The following KIAA1328 variants were observed in gnomAD, a reference collection of about 807,000 sequenced individuals.
The protein encoded by KIAA1328 is protein hinderin.
A neutral mutation model predicts 68.1 loss-of-function variants in KIAA1328; 52 were observed. The ratio of observed to expected loss-of-function variants is 0.76; its 90% CI spans 0.61 to 0.96. The LOEUF is 0.96. Among genes scored for constraint, KIAA1328 ranks in the 40% least tolerant of loss-of-function variants. KIAA1328 has a pLI of 0.00. For synonymous variants in KIAA1328, 232 were observed against 239.4 expected, an observed-to-expected ratio of 0.97 and a Z score of 0.28; for missense variants, 641 against 677.6, an observed-to-expected ratio of 0.95 and a Z score of 0.60.
intron 9 of KIAA1328, among the ~76,000 whole-genome samples, chr18:37,218,892 C>T (rs1338786444): frequency 6.6e-6 from 1 of 152,222 alleles, no homozygotes; most frequent in Admixed American, 6.5e-5. Context: ...AGAAGAGGCA[C>T]TCTGGTTTTT....
In KIAA1328 at chr18:37,224,367, C is replaced by T; in HGVS notation, c.*2140C>T. 1.0e-6 allele frequency: 1 copy of T among 985,400 alleles called. No homozygotes were observed. Among genetic ancestry groups the T allele is most frequent in the Non-Finnish European group, 1.2e-6 (1 of 829,934 alleles). 61.0% of individuals were successfully genotyped at this position (985,400 alleles called of 1,614,324 possible). ...GCCACAGAGTGGAGTTTTATTGCTT[C>T]TTTGCCTCTCCATGAATGGCCAATT... On this transcript the variant is annotated 3_prime_UTR_variant, in exon 10 of 10. Coordinates refer to ENST00000280020, the MANE Select transcript of KIAA1328 (RefSeq NM_020776.3).
chr18:37,102,156 A>G (rs1014060774), intron 7 of KIAA1328, among the ~76,000 whole-genome samples: 5 of 152,338 alleles, frequency 3.3e-5, no homozygotes, highest in Middle Eastern at 6.8e-3. Context: ...ATAGTGCACC[A>G]TGATCAAGTG....
In KIAA1328 at chr18:37,152,699, CAG is replaced by C. The variant is rs1222184695; in HGVS notation, c.1233-7499_1233-7498del. On this transcript the variant is annotated intron_variant, in intron 7 of 9. Coordinates refer to ENST00000280020, the MANE Select transcript of KIAA1328 (RefSeq NM_020776.3). ...GGTAAAGGATGAATAGCTGTGGTGA[CAG>C]AATATTATTTTAATACAAAAGTATT... 1.5e-4 allele frequency among the ~76,000 whole-genome samples: 23 copies of C among 152,112 alleles called. 1 individual carries two copies. In the East Asian group the frequency reaches 4.2e-3, roughly 28 times the overall value.
intron 5 of KIAA1328, among the ~76,000 whole-genome samples, chr18:36,906,782 T>A (rs2049239815): frequency 6.6e-6 from 1 of 152,120 alleles, no homozygotes; most frequent in Non-Finnish European, 1.5e-5. Flanking sequence ...TGTGTGGACA[T>A]AAGTTTTCCA....
intron 6 of KIAA1328, among the ~76,000 whole-genome samples, chr18:36,973,814 C>CACACACACACAT (rs1556844233): frequency 1.8e-5 from 2 of 112,952 alleles, no homozygotes; most frequent in Middle Eastern, 3.8e-3. Context: ...TACGCACATA[C>CACACACACACAT]ACACACACAC....
chr18:37,195,225 A>T (rs2059981122), intron 9 of KIAA1328, among the ~76,000 whole-genome samples: 1 of 152,138 alleles, frequency 6.6e-6, no homozygotes, highest in Non-Finnish European at 1.5e-5. Flanking sequence ...ATTTTGTATC[A>T]ATTAATAAAC....
At chr18:37,139,948 G>A (rs1231427851) in intron 7 of KIAA1328, among the ~76,000 whole-genome samples, 1 of 152,152 alleles carries the variant, frequency 6.6e-6, no homozygotes, top group African/African-American at 2.4e-5. Flanking sequence ...TGATTATTTA[G>A]AAAGTTAATT....
chr18:37,129,842 A>G (rs1426533104), intron 7 of KIAA1328, among the ~76,000 whole-genome samples: 2 of 152,212 alleles, frequency 1.3e-5, no homozygotes, highest in Non-Finnish European at 2.9e-5. Flanking sequence ...ACAGAAGGCC[A>G]GAGGTGAAGT....
chr18:37,182,085 T>C (rs559667369), intron 9 of KIAA1328, among the ~76,000 whole-genome samples: 52 of 152,318 alleles, frequency 3.4e-4, no homozygotes, highest in African/African-American at 1.3e-3. Flanking sequence ...TGAAAACTGC[T>C]ATGAATGGTG....
At chr18:37,105,004 CTT>C (rs1208991668) in intron 7 of KIAA1328, among the ~76,000 whole-genome samples, 1 of 152,162 alleles carries the variant, frequency 6.6e-6, no homozygotes, top group African/African-American at 2.4e-5. Context: ...TCTGACTTCT[CTT>C]TAATTCTTTG....
intron 9 of KIAA1328, among the ~76,000 whole-genome samples, chr18:37,209,055 A>T (rs1483631923): frequency 6.6e-6 from 1 of 152,200 alleles, no homozygotes; most frequent in Admixed American, 6.5e-5. Context: ...CACATCCAGG[A>T]GGTGAAGTAA....
chr18:37,160,815 CA>C (rs2059263793), intron 8 of KIAA1328, among the ~76,000 whole-genome samples: 1 of 152,136 alleles, frequency 6.6e-6, no homozygotes, highest in South Asian at 2.1e-4. Context: ...GTGACTAAAG[CA>C]AAACCTCACA....
chr18:37,173,200 G>C (rs1315593977), intron 9 of KIAA1328, 119 bp downstream of exon 9: 2 of 712,680 alleles, frequency 2.8e-6, no homozygotes, highest in Non-Finnish European at 4.5e-6. Flanking sequence ...CTCAAGAGAG[G>C]TCCTTCTTTT....
intron 7 of KIAA1328, among the ~76,000 whole-genome samples, chr18:37,098,322 T>C (rs564393327): frequency 2.6e-5 from 4 of 152,356 alleles, no homozygotes; most frequent in African/African-American, 7.2e-5. Flanking sequence ...TCGGCATCTT[T>C]TGAGATAATC....
chr18:37,031,561 A>G (rs2054830002), intron 6 of KIAA1328, among the ~76,000 whole-genome samples: 2 of 152,104 alleles, frequency 1.3e-5, no homozygotes, highest in South Asian at 4.1e-4. Context: ...GTCTTTAATA[A>G]TTAAAGTAGG....
chr18:37,015,306 C>A (rs1015219494), intron 6 of KIAA1328, among the ~76,000 whole-genome samples: 1 of 152,110 alleles, frequency 6.6e-6, no homozygotes, highest in African/African-American at 2.4e-5. Context: ...TCAGATGGCT[C>A]TTGTTGTGTG....
At chr18:37,101,149 A>G (rs1328352998) in intron 7 of KIAA1328, among the ~76,000 whole-genome samples, 1 of 152,232 alleles carries the variant, frequency 6.6e-6, no homozygotes, top group East Asian at 1.9e-4. Flanking sequence ...CACCAGCAAC[A>G]GAACAAAGCT....
chr18:37,053,088 A>C (rs527759341), intron 6 of KIAA1328, among the ~76,000 whole-genome samples: 1 of 152,346 alleles, frequency 6.6e-6, no homozygotes, highest in East Asian at 1.9e-4. Flanking sequence ...CCTGATATGA[A>C]ACTATGCTAC....
chr18:37,061,326 C>T (rs1277312987), intron 6 of KIAA1328, among the ~76,000 whole-genome samples: 1 of 152,086 alleles, frequency 6.6e-6, no homozygotes, highest in Non-Finnish European at 1.5e-5. Context: ...CCCTGGGAGT[C>T]TGAGGAGGTG....
Sources: gnomAD v4.1 joint callset for allele counts (sites outside exome capture counted in the v4.1 genomes callset) on GRCh38, gnomAD v4.1.1 for gene constraint, MANE v1.5 for transcripts, NCBI Gene and HGNC (gene_info 2026-07-23, HGNC 2026-07-21) for gene names.